CMKLR2: variants seen among roughly 807,000 people sequenced by gnomAD.
The protein encoded by CMKLR2 is chemerin-like receptor 2.
CMKLR2 carries 18 observed loss-of-function variants against 23.0 expected under a neutral mutation model. That is an observed-to-expected ratio of 0.78 (90% CI 0.54 to 1.16). The LOEUF (loss-of-function observed/expected upper bound fraction) is 1.16. CMKLR2 is among the 50% of genes most tolerant of loss of function. The pLI is 0.00. For missense variants in CMKLR2, 401 were observed against 412.7 expected (o/e 0.97, Z 0.25); for synonymous variants, 158 against 158.9 (o/e 0.99, Z 0.05).
At chr2:206,193,972 G>A (rs1316554665) in intron 1 of CMKLR2, among the ~76,000 whole-genome samples, 1 of 152,140 alleles carries the variant, frequency 6.6e-6, no homozygotes, top group Admixed American at 6.6e-5. Context: ...AGTTTAGGGT[G>A]GAAACTGAAT....
At chr2:206,180,565 G>A (rs1688377060) in intron 1 of CMKLR2, among the ~76,000 whole-genome samples, 1 of 151,938 alleles carries the variant, frequency 6.6e-6, no homozygotes. Flanking sequence ...CTCCCAAGTA[G>A]CTGGGACTAC....
At chr2:206,187,661 C>A (rs555111694) in intron 1 of CMKLR2, among the ~76,000 whole-genome samples, 117 of 151,920 alleles carry the variant, frequency 7.7e-4, no homozygotes, top group African/African-American at 2.8e-3. Flanking sequence ...AAAGAAAGGA[C>A]AAAAAGAGAC....
At chr2:206,179,972 C>T (rs1355248492) in intron 1 of CMKLR2, among the ~76,000 whole-genome samples, 8 of 152,150 alleles carry the variant, frequency 5.3e-5, no homozygotes, top group African/African-American at 9.6e-5. Flanking sequence ...CTGAGAAATC[C>T]GGCAGGGCAA....
intron 1 of CMKLR2, among the ~76,000 whole-genome samples, chr2:206,212,885 A>G (rs1417205905): frequency 6.6e-6 from 1 of 152,154 alleles, no homozygotes; most frequent in East Asian, 1.9e-4. Flanking sequence ...ATCTCGGAGT[A>G]CCATTTTTTT....
At chr2:206,191,378 G>A (rs1317237404) in intron 1 of CMKLR2, among the ~76,000 whole-genome samples, 1 of 152,142 alleles carries the variant, frequency 6.6e-6, no homozygotes, top group Admixed American at 6.5e-5. Flanking sequence ...AAGCAGTAGA[G>A]AATAAAGGGG....
At chr2:206,194,920 A>AT (rs917394672) in intron 1 of CMKLR2, among the ~76,000 whole-genome samples, 4 of 148,970 alleles carry the variant, frequency 2.7e-5, no homozygotes, top group South Asian at 2.1e-4. Flanking sequence ...AGCCTGGCTA[A>AT]TTTTTTTTTG....
At chr2:206,189,055 G>A (rs1453954845) in intron 1 of CMKLR2, among the ~76,000 whole-genome samples, 1 of 152,178 alleles carries the variant, frequency 6.6e-6, no homozygotes, top group Non-Finnish European at 1.5e-5. Flanking sequence ...CAGAACATTT[G>A]GCGAATGAAG....
intron 1 of CMKLR2, among the ~76,000 whole-genome samples, chr2:206,183,607 G>C (rs1688483435): frequency 6.6e-6 from 1 of 152,184 alleles, no homozygotes; most frequent in Non-Finnish European, 1.5e-5. Context: ...TGGAGAAAAA[G>C]CTTCAAGAAC....
chr2:206,183,067 CCTT>C (rs1398035924), intron 1 of CMKLR2, among the ~76,000 whole-genome samples: 1 of 152,190 alleles, frequency 6.6e-6, no homozygotes, highest in Non-Finnish European at 1.5e-5. Context: ...CTCACTTACT[CCTT>C]CTGGTGGCTG....
At chr2:206,191,901 C>T (rs1422218400) in intron 1 of CMKLR2, among the ~76,000 whole-genome samples, 3 of 147,858 alleles carry the variant, frequency 2.0e-5, no homozygotes, top group South Asian at 2.1e-4. Flanking sequence ...AGTGCAATGG[C>T]GCGATCTCGG....
intron 1 of CMKLR2, among the ~76,000 whole-genome samples, chr2:206,199,379 A>G (rs1284545882): frequency 1.3e-5 from 2 of 152,106 alleles, no homozygotes; most frequent in Non-Finnish European, 2.9e-5. Context: ...CAGCCTGGGC[A>G]ACAGAGTGAG....
At chr2:206,206,058 C>T (rs886136940) in intron 1 of CMKLR2, among the ~76,000 whole-genome samples, 3 of 152,120 alleles carry the variant, frequency 2.0e-5, no homozygotes, top group Admixed American at 1.3e-4. Context: ...TGCTGAAATA[C>T]ACCCTTCCCC....
intron 1 of CMKLR2, among the ~76,000 whole-genome samples, chr2:206,205,993 C>G (rs898887991): frequency 6.6e-6 from 1 of 152,188 alleles, no homozygotes; most frequent in African/African-American, 2.4e-5. Flanking sequence ...GCCACTGCGC[C>G]TGGCCTGTTT....
rs71034424 is a variant in CMKLR2, at chr2:206,209,647, CTTTTT to C, written c.-29+3655_-29+3659del. Among the ~76,000 whole-genome samples, 39 of 134,866 alleles carry C rather than the reference CTTTTT, an allele frequency of 2.9e-4. 1 individual carries two copies. The East Asian group carries it at 5.7e-3, about 20-fold the overall frequency. 88.5% of individuals were successfully genotyped at this position (134,866 alleles called of 152,430 possible). On this transcript the variant is annotated intron_variant, in intron 1 of 1. Coordinates refer to ENST00000621141, the MANE Select transcript of CMKLR2 (RefSeq NM_001389445.1). ...TGCCGTGTTTGGTTTTCTTTTCTTT[CTTTTT>C]TTTTTTTTTTTTTTGAGACGGAGTC...
chr2:206,203,666 A>T (rs1689197485), intron 1 of CMKLR2: 1 of 152,162 alleles, frequency 6.6e-6, no homozygotes, highest in Non-Finnish European at 1.5e-5. Flanking sequence ...CTTGTAGTAA[A>T]CCTGCAGTCT....
At chr2:206,182,718 T>G (rs1412372539) in intron 1 of CMKLR2, among the ~76,000 whole-genome samples, 1 of 151,992 alleles carries the variant, frequency 6.6e-6, no homozygotes, top group Non-Finnish European at 1.5e-5. Flanking sequence ...TCCCCCGAGT[T>G]CAAGTGATTC....
chr2:206,200,418 C>T (rs571431764), intron 1 of CMKLR2, among the ~76,000 whole-genome samples: 5 of 152,070 alleles, frequency 3.3e-5, no homozygotes, highest in South Asian at 4.2e-4. Context: ...AGTAAATCTC[C>T]GTCTCACCAA....
chr2:206,217,291 GA>G, upstream of CMKLR2: 1 of 152,212 alleles, frequency 6.6e-6, no homozygotes, highest in South Asian at 2.1e-4. Flanking sequence ...TTAGACTTAG[GA>G]GGCCCTTACT....
chr2:206,214,748 C>T (rs1393280948), upstream of CMKLR2, among the ~76,000 whole-genome samples: 14 of 151,938 alleles, frequency 9.2e-5, no homozygotes, highest in Admixed American at 5.9e-4. Flanking sequence ...CTTAGCCTCC[C>T]GAGTAGCTGG....
Sources: gnomAD v4.1 joint callset for allele counts (sites outside exome capture counted in the v4.1 genomes callset) on GRCh38, gnomAD v4.1.1 for gene constraint, MANE v1.5 for transcripts, NCBI Gene and HGNC (gene_info 2026-07-23, HGNC 2026-07-21) for gene names.